Variants in CPNE4 observed in about 807,000 individuals in gnomAD.
The protein encoded by CPNE4 is copine 4, also known as copine-4.
A neutral mutation model predicts 67.9 loss-of-function variants in CPNE4; 25 were observed. The observed-to-expected ratio is 0.37, with a 90% CI of 0.27 to 0.51. CPNE4 has a LOEUF of 0.51. CPNE4 is among the 20% of genes least tolerant of loss of function. CPNE4 has a pLI of 0.93. For synonymous variants in CPNE4, 242 were observed against 244.9 expected (o/e 0.99, Z 0.11); for missense variants, 464 against 690.8 (o/e 0.67, Z 3.68).
At chr3:131,801,934 G>C (rs1238606924) in intron 2 of CPNE4, among the ~76,000 whole-genome samples, 2 of 149,742 alleles carry the variant, frequency 1.3e-5, no homozygotes, top group Admixed American at 1.3e-4. Context: ...GGTAATAGTA[G>C]TAATAATAAA....
At chr3:131,916,319 C>T (rs2089180927) in intron 1 of CPNE4, among the ~76,000 whole-genome samples, 1 of 140,526 alleles carries the variant, frequency 7.1e-6, no homozygotes, top group Non-Finnish European at 1.5e-5. Context: ...CTGGGGGGCT[C>T]ACAACGTGGA....
chr3:131,890,100 C>T (rs2088047760), intron 2 of CPNE4, among the ~76,000 whole-genome samples: 1 of 151,696 alleles, frequency 6.6e-6, no homozygotes, highest in Non-Finnish European at 1.5e-5. Flanking sequence ...TAGTGTCAAA[C>T]CAAAAAGTTT....
At chr3:132,031,047 C>T (rs1371298900) in intron 1 of CPNE4, among the ~76,000 whole-genome samples, 1 of 151,964 alleles carries the variant, frequency 6.6e-6, no homozygotes, top group Non-Finnish European at 1.5e-5. Context: ...AATGTGCTTC[C>T]CTGAAAAGAA....
chr3:131,563,139 G>C (rs1463306687), intron 11 of CPNE4, among the ~76,000 whole-genome samples: 2 of 151,942 alleles, frequency 1.3e-5, no homozygotes, highest in African/African-American at 4.8e-5. Flanking sequence ...ATGGTGTGGA[G>C]GATAACAGGT....
chr3:131,748,719 C>T (rs1159511131), intron 2 of CPNE4, among the ~76,000 whole-genome samples: 1 of 151,994 alleles, frequency 6.6e-6, no homozygotes, highest in Non-Finnish European at 1.5e-5. Context: ...ATAAATCTGA[C>T]ATTTTGTCTA....
Position 131,923,002 on chromosome 3 carries a change from T to C in CPNE4, c.-1-17558A>G, listed in dbSNP as rs577256972. On this transcript the variant is annotated intron_variant, in intron 1 of 15. Transcript: ENST00000429747. ...TAAAATGGTTCATGTTAAAAGTTGT[T>C]TGTATATTTTGGTTTGGGCCAAAAC... Among the ~76,000 whole-genome samples, 8 of 152,334 alleles carry C rather than the reference T, an allele frequency of 5.3e-5. 1 individual carries two copies. In the South Asian group the frequency reaches 1.7e-3, roughly 32 times the overall value.
intron 1 of CPNE4, among the ~76,000 whole-genome samples, chr3:132,014,898 C>G (rs576159862): frequency 6.6e-6 from 1 of 152,124 alleles, no homozygotes; most frequent in East Asian, 1.9e-4. Flanking sequence ...AAAATGGATC[C>G]TATTATTTTT....
At chr3:131,624,260 G>A (rs936122560) in intron 7 of CPNE4, among the ~76,000 whole-genome samples, 1 of 152,142 alleles carries the variant, frequency 6.6e-6, no homozygotes, top group African/African-American at 2.4e-5. Context: ...CCTTGTGACT[G>A]TGTCCCATTG....
At chr3:131,785,943 C>A (rs2083550584) in intron 2 of CPNE4, among the ~76,000 whole-genome samples, 1 of 151,974 alleles carries the variant, frequency 6.6e-6, no homozygotes, top group African/African-American at 2.4e-5. Flanking sequence ...TTAAGTACTC[C>A]CATATATGAC....
chr3:131,751,631 T>A (rs1344432392), intron 2 of CPNE4, among the ~76,000 whole-genome samples: 1 of 152,200 alleles, frequency 6.6e-6, no homozygotes, highest in African/African-American at 2.4e-5. Context: ...CTCTGTCATC[T>A]TAGTGTTGGA....
At chr3:131,596,250 G>A (rs1336948782) in intron 7 of CPNE4, among the ~76,000 whole-genome samples, 1 of 152,168 alleles carries the variant, frequency 6.6e-6, no homozygotes, top group Non-Finnish European at 1.5e-5. Flanking sequence ...GTCTGCGTAT[G>A]TCAAAAGTCA....
chr3:131,605,536 G>A (rs1939450661), intron 7 of CPNE4, among the ~76,000 whole-genome samples: 1 of 152,058 alleles, frequency 6.6e-6, no homozygotes, highest in Non-Finnish European at 1.5e-5. Context: ...ATTCATTATG[G>A]ACTCATATTT....
intron 9 of CPNE4, among the ~76,000 whole-genome samples, chr3:131,581,310 G>A (rs1026967011): frequency 5.3e-5 from 8 of 152,146 alleles, no homozygotes; most frequent in African/African-American, 1.4e-4. Context: ...ACTGCTCTGG[G>A]CAGAGATGAT....
upstream of CPNE4, among the ~76,000 whole-genome samples, chr3:132,038,223 G>C (rs1452097853): frequency 6.6e-6 from 1 of 152,104 alleles, no homozygotes; most frequent in Non-Finnish European, 1.5e-5. Context: ...TGTATTACTG[G>C]AAAGCAGAAA....
intron 1 of CPNE4, among the ~76,000 whole-genome samples, chr3:131,967,977 C>T (rs2072398842): frequency 6.6e-6 from 1 of 152,140 alleles, no homozygotes; most frequent in Non-Finnish European, 1.5e-5. Flanking sequence ...CATACAGTAA[C>T]CAAAACAGCA....
chr3:131,675,717 T>G (rs2080540946), intron 6 of CPNE4, among the ~76,000 whole-genome samples: 1 of 151,802 alleles, frequency 6.6e-6, no homozygotes, highest in Non-Finnish European at 1.5e-5. Flanking sequence ...GTATTTTTTG[T>G]AGTCTAAATA....
At chr3:131,891,641 T>C (rs991693860) in intron 2 of CPNE4, among the ~76,000 whole-genome samples, 1 of 152,132 alleles carries the variant, frequency 6.6e-6, no homozygotes, top group Non-Finnish European at 1.5e-5. Flanking sequence ...GTTCTCATTA[T>C]TTAGCTCCCA....
intron 15 of CPNE4, among the ~76,000 whole-genome samples, chr3:131,541,215 G>T (rs12635276): frequency 0.019 from 2,892 of 152,244 alleles, 37 homozygotes; most frequent in East Asian, 0.03. Context: ...ACTCTAGAGG[G>T]GTCTTCAGGA....
chr3:131,922,024 A>G (rs1489614624), intron 1 of CPNE4, among the ~76,000 whole-genome samples: 2 of 152,144 alleles, frequency 1.3e-5, no homozygotes, highest in Non-Finnish European at 2.9e-5. Context: ...GATGGATCTC[A>G]TCACCCACCC....
Sources: gnomAD v4.1 joint callset for allele counts (sites outside exome capture counted in the v4.1 genomes callset) on GRCh38, gnomAD v4.1.1 for gene constraint, MANE v1.5 for transcripts, NCBI Gene and HGNC (gene_info 2026-07-23, HGNC 2026-07-21) for gene names.